Variants in RICTOR observed in about 807,000 individuals in gnomAD.
The protein encoded by RICTOR is rapamycin-insensitive companion of mTOR.
RICTOR carries 49 observed loss-of-function variants against 214.9 expected under a neutral mutation model. The ratio of observed to expected loss-of-function variants is 0.23; its 90% CI spans 0.18 to 0.29. The LOEUF is 0.29. RICTOR is among the 10% of genes least tolerant of loss of function. The pLI, the probability that RICTOR is intolerant of heterozygous loss-of-function variation, is 1.00. For missense variants in RICTOR, 1,625 were observed against 2,047.0 expected (o/e 0.79, Z 3.98); for synonymous variants, 717 against 711.3 (o/e 1.01, Z -0.13).
chr5:39,020,097 GA>G (rs1050390043), intron 3 of RICTOR, among the ~76,000 whole-genome samples: 1 of 152,166 alleles, frequency 6.6e-6, no homozygotes, highest in African/African-American at 2.4e-5. Flanking sequence ...GCAATCTCAT[GA>G]AAAAAGCTTT....
chr5:38,947,479 T>C, intron 31 of RICTOR, 38 bp from the exon 32 acceptor site: 1 of 1,429,640 alleles, frequency 7.0e-7, no homozygotes, highest in Non-Finnish European at 9.8e-7. Flanking sequence ...ATTAGTTTCT[T>C]GATCTGTAAT....
chr5:38,975,805 G>T (rs993217737), intron 9 of RICTOR, among the ~76,000 whole-genome samples: 1 of 152,088 alleles, frequency 6.6e-6, no homozygotes, highest in East Asian at 1.9e-4. Context: ...TCACAACATC[G>T]TTTAAGTCAT....
chr5:39,059,996 T>C (rs1167219181), intron 2 of RICTOR, among the ~76,000 whole-genome samples: 1 of 152,094 alleles, frequency 6.6e-6, no homozygotes, highest in African/African-American at 2.4e-5. Context: ...TCTGTCTGGG[T>C]ACGACACCAT....
intron 5 of RICTOR, among the ~76,000 whole-genome samples, chr5:38,997,912 G>A (rs1428550875): frequency 6.6e-6 from 1 of 152,186 alleles, no homozygotes; most frequent in Non-Finnish European, 1.5e-5. Context: ...GAAGAAAACA[G>A]AAGAAAGTGA....
intron 2 of RICTOR, among the ~76,000 whole-genome samples, chr5:39,046,062 A>AATAAATAAATGC (rs1301101401): frequency 2.7e-5 from 4 of 150,882 alleles, no homozygotes; most frequent in African/African-American, 7.3e-5. Context: ...TAAATAAATA[A>AATAAATAAATGC]ATGCTGGCCA....
chr5:39,005,145 GTTTCTAGGTGTGGT>G (rs1753954364), intron 3 of RICTOR, among the ~76,000 whole-genome samples: 1 of 152,130 alleles, frequency 6.6e-6, no homozygotes, highest in African/African-American at 2.4e-5. Flanking sequence ...TTATTACAAT[GTTTCTAGGTGTGGT>G]TTCCTTTGTA....
intron 25 of RICTOR, 96 bp from the exon 26 acceptor site, chr5:38,955,800 G>A (rs1025409281): frequency 2.8e-6 from 2 of 723,776 alleles, no homozygotes; most frequent in Non-Finnish European, 4.9e-6. Context: ...ACAGATCAAG[G>A]TATTATGAAT....
chr5:38,986,589 T>C (rs116158873), intron 7 of RICTOR, among the ~76,000 whole-genome samples: 256 of 152,366 alleles, frequency 1.7e-3, no homozygotes, highest in African/African-American at 5.9e-3. Flanking sequence ...GTACTACTTT[T>C]TCACATTTTT....
chr5:39,058,983 A>G (rs1447874734), intron 2 of RICTOR, among the ~76,000 whole-genome samples: 1 of 152,196 alleles, frequency 6.6e-6, no homozygotes, highest in Non-Finnish European at 1.5e-5. Flanking sequence ...CTGAAGACAC[A>G]GAAGAGAAAT....
intron 5 of RICTOR, among the ~76,000 whole-genome samples, chr5:38,997,440 T>C (rs1193712713): frequency 6.6e-6 from 1 of 152,168 alleles, no homozygotes; most frequent in Non-Finnish European, 1.5e-5. Flanking sequence ...TTGAAAGTCT[T>C]TTATGTAGAA....
chr5:38,998,538 G>A (rs531684301), intron 5 of RICTOR, among the ~76,000 whole-genome samples: 29 of 152,078 alleles, frequency 1.9e-4, no homozygotes, highest in African/African-American at 6.3e-4. Flanking sequence ...TATGAGGCAC[G>A]GTTTAAAACA....
intron 19 of RICTOR, among the ~76,000 whole-genome samples, chr5:38,961,898 G>A (rs996339491): frequency 4.6e-5 from 7 of 151,992 alleles, no homozygotes; most frequent in Admixed American, 2.6e-4. Flanking sequence ...ACATTTGCAC[G>A]GGTTATGGAA....
chr5:38,948,600 C>G (rs939655233), intron 31 of RICTOR, among the ~76,000 whole-genome samples: 1 of 152,090 alleles, frequency 6.6e-6, no homozygotes. Flanking sequence ...AACCACTGAT[C>G]TAGTGCAATC....
chr5:38,983,562 G>C (rs1193328790), intron 7 of RICTOR, among the ~76,000 whole-genome samples: 1 of 152,188 alleles, frequency 6.6e-6, no homozygotes, highest in Non-Finnish European at 1.5e-5. Context: ...TTGTTGATTT[G>C]AGATAAATAT....
Position 38,947,399 on chromosome 5 carries a change from A to G in RICTOR, c.4179T>C (p.Asp1393=), listed in dbSNP as rs61748207. 1,230 of 1,611,902 alleles carry G rather than the reference A, an allele frequency of 7.6e-4. No homozygotes were observed. Among genetic ancestry groups the G allele is most frequent in the Non-Finnish European group, 8.7e-4 (1,024 of 1,178,154 alleles). Residue 1393 remains aspartate, a synonymous_variant, in exon 32 of 38, where the codon GAT becomes GAC. Coordinates refer to ENST00000357387, the MANE Select transcript of RICTOR (RefSeq NM_152756.5). ...ALSYASLDKE[D]LLSPINQNTL... is the part of the protein sequence containing the mutation. ...TATTTTGATTAATAGGACTCAATAA[A>G]TCTTCTTTATCTAATGATGCATAAC...
chr5:38,948,541 T>C lies in RICTOR; in HGVS notation c.4137-1100A>G, dbSNP rs565693060. On this transcript the variant is annotated intron_variant, in intron 31 of 37. Transcript: ENST00000357387. ...TATTGGGTTTCCACAGAAATCTTTA[T>C]GTGAAAAAATAATTTCTCTGCTTAA... Among the ~76,000 whole-genome samples the C allele has an allele frequency of 1.9e-4, 29 of 152,202 alleles. 1 individual carries two copies. In the Middle Eastern group the frequency reaches 0.01, roughly 54 times the overall value.
intron 16 of RICTOR, 57 bp downstream of exon 16, chr5:38,964,735 A>G: frequency 1.2e-6 from 1 of 867,978 alleles, no homozygotes; most frequent in Admixed American, 2.4e-5. Context: ...AGAGACAATA[A>G]TCTAATTTGA....
intron 2 of RICTOR, among the ~76,000 whole-genome samples, chr5:39,062,488 G>A (rs917390960): frequency 2.0e-5 from 3 of 151,690 alleles, no homozygotes; most frequent in Non-Finnish European, 4.4e-5. Flanking sequence ...GTGCATTATA[G>A]AATTATGAGT....
intron 5 of RICTOR, among the ~76,000 whole-genome samples, chr5:38,997,380 A>T (rs1336819278): frequency 1.3e-5 from 2 of 152,232 alleles, no homozygotes; most frequent in Non-Finnish European, 2.9e-5. Context: ...TGTCCAAACA[A>T]ATAGCACCAA....
Sources: gnomAD v4.1 joint callset for allele counts (sites outside exome capture counted in the v4.1 genomes callset) on GRCh38, gnomAD v4.1.1 for gene constraint, MANE v1.5 for transcripts, NCBI Gene and HGNC (gene_info 2026-07-23, HGNC 2026-07-21) for gene names.